Variants in NCBP3 observed in about 807,000 individuals in gnomAD.
NCBP3 encodes nuclear cap-binding protein subunit 3.
In NCBP3, 20 loss-of-function variants were observed where a neutral mutation model predicts 75.7. The observed-to-expected ratio is 0.26, with a 90% CI of 0.19 to 0.38. NCBP3 has a LOEUF of 0.38. Among genes scored for constraint, NCBP3 ranks in the 10% least tolerant of loss-of-function variants. The pLI is 1.00. For missense variants in NCBP3, 678 were observed against 796.9 expected, an observed-to-expected ratio of 0.85 and a Z score of 1.80; for synonymous variants, 293 against 290.5, an observed-to-expected ratio of 1.01 and a Z score of -0.09.
intron 3 of NCBP3, among the ~76,000 whole-genome samples, chr17:3,838,312 C>G (rs2054010582): frequency 6.6e-6 from 1 of 152,260 alleles, no homozygotes; most frequent in Admixed American, 6.5e-5. Flanking sequence ...AAGGAATGCT[C>G]TCGGGACCAG....
At chr17:3,814,631 A>C in intron 11 of NCBP3, 148 bp from the exon 12 acceptor site, 1 of 824,164 alleles carries the variant, frequency 1.2e-6, no homozygotes, top group Non-Finnish European at 1.9e-6. Flanking sequence ...CTTCCTTTGT[A>C]ATCAGTCTGG....
At chr17:3,839,219 A>G (rs2054025035) in intron 3 of NCBP3, among the ~76,000 whole-genome samples, 1 of 152,198 alleles carries the variant, frequency 6.6e-6, no homozygotes, top group Non-Finnish European at 1.5e-5. Flanking sequence ...AAACACAAAG[A>G]TCAAATCAAA....
At chr17:3,833,066 ACACAGGGAGACCCCAT>A (rs1192436341) in intron 3 of NCBP3, among the ~76,000 whole-genome samples, 12 of 152,206 alleles carry the variant, frequency 7.9e-5, no homozygotes, top group Non-Finnish European at 1.0e-4. Flanking sequence ...AGCCTGGGTA[ACACAGGGAGACCCCAT>A]CTCTACAAAA....
rs568537692 is a variant in NCBP3, at chr17:3,839,184, T to C, written c.355+916A>G. ...ACTATATACAATAATTCGGGGTGAGTTCTAGGGAGCAAAATACCCCAAAAA... is the reference window on the plus strand; with the variant it reads ...ACTATATACAATAATTCGGGGTGAGCTCTAGGGAGCAAAATACCCCAAAAA... On this transcript the variant is annotated intron_variant, in intron 3 of 12. Coordinates refer to ENST00000389005, the MANE Select transcript of NCBP3 (RefSeq NM_001114118.3). 5.9e-5 allele frequency among the ~76,000 whole-genome samples: 9 copies of C among 152,076 alleles called. No individual in the cohort carries two copies. The East Asian group carries it at 1.2e-3, about 20-fold the overall frequency.
chr17:3,834,920 T>C (rs1211979096), intron 3 of NCBP3, among the ~76,000 whole-genome samples: 8 of 152,082 alleles, frequency 5.3e-5, no homozygotes, highest in Non-Finnish European at 1.0e-4. Context: ...ACATAGACGG[T>C]GCTCTATTTC....
chr17:3,822,255 A>G (rs1314093782), intron 7 of NCBP3: 1 of 477,810 alleles, frequency 2.1e-6, no homozygotes, highest in East Asian at 3.4e-5. Flanking sequence ...ACAGAGACGA[A>G]TGAGGTTAAA....
Position 3,808,423 on chromosome 17 carries a change from T to C in NCBP3, c.*4621A>G, listed in dbSNP as rs960373465. 1 of 152,198 alleles carries C rather than the reference T, an allele frequency of 6.6e-6. No homozygotes were observed. Among genetic ancestry groups the C allele is most frequent in the East Asian group, 1.9e-4 (1 of 5,200 alleles). 9.4% of individuals were successfully genotyped at this position (152,198 alleles called of 1,614,324 possible). A position where few individuals can be genotyped will look rare whatever the true frequency, so the allele number is the denominator to read the frequency against. The stretch of plus-strand genomic sequence containing the variant: ...GAGAGCTGAGACTCTTCTGTGGCAG[T>C]ACCATGGGACACATAGAAGTAGCCT... On this transcript the variant is annotated 3_prime_UTR_variant, in exon 13 of 13. Coordinates refer to ENST00000389005, the MANE Select transcript of NCBP3 (RefSeq NM_001114118.3).
Position 3,817,584 on chromosome 17 carries a change from G to T in NCBP3, c.1310+679C>A, listed in dbSNP as rs565195042. On this transcript the variant is annotated intron_variant, in intron 10 of 12. Transcript: ENST00000389005. ...GCGGAGTTTGCAGTGAGCCGAGATC[G>T]CGCCACTGCACTCCAGCCTGGGTGA... is the stretch of plus-strand genomic sequence containing the variant. 8.0e-4 allele frequency among the ~76,000 whole-genome samples: 121 copies of T among 152,152 alleles called. 1 individual carries two copies. The South Asian group carries it at 0.011, about 14-fold the overall frequency.
chr17:3,806,888 A>C lies in NCBP3; in HGVS notation c.*6156T>G, dbSNP rs2053342495. 6.6e-6 allele frequency: 1 copy of C among 152,188 alleles called. No homozygotes were observed. The highest frequency in any genetic ancestry group is 2.4e-5 in the African/African-American group (1 of 41,444). The allele number at this position is 152,188 out of a possible 1,614,324, so 9.4% of individuals were successfully genotyped here. On this transcript the variant is annotated 3_prime_UTR_variant, in exon 13 of 13. Coordinates refer to ENST00000389005, the MANE Select transcript of NCBP3 (RefSeq NM_001114118.3). ...AGCATTCTCTTCTTTCAGTTCGTAA[A>C]AGAAAAACATGGTTTAACTTCTAAT...
intron 3 of NCBP3, among the ~76,000 whole-genome samples, chr17:3,834,253 G>A (rs1431401469): frequency 3.3e-5 from 5 of 152,130 alleles, no homozygotes; most frequent in Non-Finnish European, 5.9e-5. Flanking sequence ...AGACTGTCCA[G>A]GGAATGGAAA....
chr17:3,830,458 A>T (rs933557043), intron 3 of NCBP3, among the ~76,000 whole-genome samples: 2 of 152,236 alleles, frequency 1.3e-5, no homozygotes, highest in African/African-American at 4.8e-5. Context: ...ACATTTACTA[A>T]GGGTACATAT....
chr17:3,837,942 T>A (rs1383462792), intron 3 of NCBP3, among the ~76,000 whole-genome samples: 1 of 151,984 alleles, frequency 6.6e-6, no homozygotes, highest in Non-Finnish European at 1.5e-5. Context: ...CTGCCTTTTT[T>A]AGGAATATCT....
chr17:3,805,587 T>A lies in NCBP3; in HGVS notation c.*7457A>T, dbSNP rs2053328387. On this transcript the variant is annotated 3_prime_UTR_variant, in exon 13 of 13. Transcript: ENST00000389005. Reference sequence around the variant, plus strand: ...GATCTGTGGGGGACTGCGGGGGTGATGGGACAGGGAGAGAACAAGGAGTGG... The same window carrying A: ...GATCTGTGGGGGACTGCGGGGGTGAAGGGACAGGGAGAGAACAAGGAGTGG... 1 of 152,362 alleles carries A rather than the reference T, an allele frequency of 6.6e-6. No individual in the cohort carries two copies. Among genetic ancestry groups the A allele is most frequent in the Non-Finnish European group, 1.5e-5 (1 of 68,250 alleles). The allele number at this position is 152,362 out of a possible 1,614,324, so 9.4% of individuals were successfully genotyped here. A position where few individuals can be genotyped will look rare whatever the true frequency, so the allele number is the denominator to read the frequency against.
rs918292658 is a variant in NCBP3, at chr17:3,818,011, G to A, written c.1310+252C>T. On this transcript the variant is annotated intron_variant, in intron 10 of 12. Transcript: ENST00000389005. The surrounding 1 kb of genome is among the most constrained non-coding windows in gnomAD (Gnocchi z 4.7). ...CACACAAATAGCTGAAAGGTTATTC[G>A]CCAAATTGCTAACAGTAGTTATTGT... 4.6e-5 allele frequency among the ~76,000 whole-genome samples: 7 copies of A among 151,442 alleles called. No homozygotes were observed. In the East Asian group the frequency reaches 5.8e-4, roughly 13 times the overall value.
intron 1 of NCBP3, among the ~76,000 whole-genome samples, chr17:3,844,390 C>CCAGA (rs2054121455): frequency 6.6e-6 from 1 of 152,002 alleles, no homozygotes; most frequent in Admixed American, 6.6e-5. Context: ...TGGACCCATC[C>CCAGA]CAGAGCCTCT....
At chr17:3,825,118 T>C in intron 6 of NCBP3, 68 bp from the exon 7 acceptor site, 5 of 832,000 alleles carry the variant, frequency 6.0e-6, no homozygotes, top group Non-Finnish European at 9.2e-6. Flanking sequence ...GTAGTAAAGC[T>C]ACCATTAAGA....
chr17:3,823,088 C>A (rs1035042939), intron 7 of NCBP3, among the ~76,000 whole-genome samples: 1 of 152,104 alleles, frequency 6.6e-6, no homozygotes, highest in African/African-American at 2.4e-5. Flanking sequence ...CTGAGGCGGG[C>A]GGATCACAAG....
Position 3,810,615 on chromosome 17 carries a change from TCAA to T in NCBP3, c.*2426_*2428del. On this transcript the variant is annotated 3_prime_UTR_variant, in exon 13 of 13. Transcript: ENST00000389005. ...AAAGGCCTCATCATTCAGGACACAC[TCAA>T]GATGTTGCAAGATCTGAGTGACTGA... The T allele has an allele frequency of 6.6e-6, 1 of 152,250 alleles. No individual in the cohort carries two copies. The highest frequency in any genetic ancestry group is 2.1e-4 in the South Asian group (1 of 4,808). 9.4% of individuals were successfully genotyped at this position (152,250 alleles called of 1,614,324 possible).
chr17:3,839,805 T>A (rs1048468996), intron 3 of NCBP3, among the ~76,000 whole-genome samples: 2 of 152,092 alleles, frequency 1.3e-5, no homozygotes, highest in Admixed American at 6.5e-5. Context: ...AGAAAATGAG[T>A]AAGGGTCCTT....
Sources: gnomAD v4.1 joint callset for allele counts (sites outside exome capture counted in the v4.1 genomes callset) on GRCh38, gnomAD v4.1.1 for gene constraint, Gnocchi (gnomAD v3.1) non-coding constraint, MANE v1.5 for transcripts, NCBI Gene and HGNC (gene_info 2026-07-23, HGNC 2026-07-21) for gene names.